The following IL1RAPL2 variants were observed in gnomAD, a reference collection of about 807,000 sequenced individuals.
IL1RAPL2 encodes interleukin 1 receptor accessory protein like 2, also known as X-linked interleukin-1 receptor accessory protein-like 2.
Under a neutral mutation model 44.1 loss-of-function variants are expected in IL1RAPL2, and 3 were observed. The ratio of observed to expected loss-of-function variants is 0.07; its 90% CI spans 0.03 to 0.18. The LOEUF is 0.18. Among genes scored for constraint, IL1RAPL2 ranks in the 10% least tolerant of loss-of-function variants. The pLI is 1.00. For missense variants in IL1RAPL2, 391 were observed against 496.4 expected (o/e 0.79, Z 2.02); for synonymous variants, 181 against 178.8 (o/e 1.01, Z -0.10).
At chrX:104,954,823 C>G (rs1224256331) in intron 2 of IL1RAPL2, among the ~76,000 whole-genome samples, 1 of 112,741 alleles carries the variant, frequency 8.9e-6, no homozygotes, top group Non-Finnish European at 1.9e-5. Flanking sequence ...GGGCCTAGCC[C>G]CAGAAGTTTT....
intron 1 of IL1RAPL2, among the ~76,000 whole-genome samples, chrX:104,619,910 C>T (rs963466510): frequency 1.8e-5 from 2 of 111,587 alleles, no homozygotes; most frequent in East Asian, 2.8e-4. Flanking sequence ...TCAGAGGAAA[C>T]GCTCTGGAGG....
chrX:105,467,859 G>A (rs1339534753), intron 5 of IL1RAPL2, among the ~76,000 whole-genome samples: 3 of 111,487 alleles, frequency 2.7e-5, no homozygotes, highest in African/African-American at 9.8e-5. Context: ...CCTCAAACTC[G>A]CCTTATCATC....
In IL1RAPL2 at chrX:105,732,462, C is replaced by A. The variant is rs182909443; in HGVS notation, c.903-8084C>A. ...TGTTTAAAGTGTGTAGTGTGCACCT[C>A]CCCACCCCTCTCTTCCTCCTACTCC... On this transcript the variant is annotated intron_variant, in intron 7 of 10. Transcript: ENST00000372582. Among the ~76,000 whole-genome samples the A allele has an allele frequency of 7.3e-5, 8 of 109,901 alleles. No homozygotes were observed. The East Asian group carries it at 2.3e-3, about 32-fold the overall frequency.
chrX:104,904,523 A>G (rs1344655668), intron 2 of IL1RAPL2, among the ~76,000 whole-genome samples: 2 of 95,653 alleles, frequency 2.1e-5, no homozygotes, highest in Admixed American at 1.3e-4. Context: ...TCATTGTTCA[A>G]TTCCCATCTA....
intron 1 of IL1RAPL2, among the ~76,000 whole-genome samples, chrX:104,616,770 A>T (rs1326135527): frequency 9.0e-6 from 1 of 111,098 alleles, no homozygotes; most frequent in African/African-American, 3.3e-5. Context: ...CTTCCCTCAA[A>T]CCACCAAGTT....
At chrX:105,152,327 C>G (rs753896675) in intron 2 of IL1RAPL2, among the ~76,000 whole-genome samples, 14 of 111,927 alleles carry the variant, frequency 1.3e-4, no homozygotes, top group African/African-American at 4.5e-4. Context: ...TTGTAGTGCA[C>G]TGAATGTGCT....
chrX:105,047,346 G>A (rs907336168), intron 2 of IL1RAPL2, among the ~76,000 whole-genome samples: 1 of 111,132 alleles, frequency 9.0e-6, no homozygotes, highest in Non-Finnish European at 1.9e-5. Context: ...ATGTATGCTC[G>A]GTATGCCATT....
chrX:105,086,176 T>G (rs1386336333), intron 2 of IL1RAPL2, among the ~76,000 whole-genome samples: 4 of 111,736 alleles, frequency 3.6e-5, no homozygotes, highest in Non-Finnish European at 5.6e-5. Flanking sequence ...TGCAGCATTA[T>G]TCATAATAAC....
At chrX:104,930,058 C>T (rs1385468869) in intron 2 of IL1RAPL2, among the ~76,000 whole-genome samples, 1 of 111,531 alleles carries the variant, frequency 9.0e-6, no homozygotes, top group Non-Finnish European at 1.9e-5. Flanking sequence ...TTTTATTGCC[C>T]TTTCAATTCA....
chrX:105,638,360 G>C (rs2037540056), intron 6 of IL1RAPL2, among the ~76,000 whole-genome samples: 1 of 110,533 alleles, frequency 9.0e-6, no homozygotes, highest in African/African-American at 3.3e-5. Context: ...GATTATTAAA[G>C]ACAATTTGAA....
intron 2 of IL1RAPL2, among the ~76,000 whole-genome samples, chrX:105,090,166 A>G (rs2032526358): frequency 9.0e-6 from 1 of 111,294 alleles, no homozygotes; most frequent in African/African-American, 3.3e-5. Context: ...GATGCAGGCC[A>G]GTAATGCCAT....
At chrX:105,338,906 C>T (rs953639892) in intron 5 of IL1RAPL2, among the ~76,000 whole-genome samples, 1 of 110,928 alleles carries the variant, frequency 9.0e-6, no homozygotes, top group Non-Finnish European at 1.9e-5. Context: ...TCGAGACCAG[C>T]CTGGCCAACG....
chrX:105,767,303 A>T lies in IL1RAPL2; in HGVS notation c.1703A>T (p.His568Leu). Residue 568 changes from histidine to leucine, a missense_variant, in exon 11 of 11, where the codon CAT becomes CTT. Coordinates refer to ENST00000372582, the MANE Select transcript of IL1RAPL2 (RefSeq NM_017416.2). The stretch of plus-strand genomic sequence containing the variant: ...AAAAAAGAAATGCTACCTCGGTGCC[A>T]TGTTCTGGACTCCGCAGAACAAGGA... Reference protein sequence around the residue: ...IKKKEMLPRCHVLDSAEQGLF... With the variant: ...IKKKEMLPRCLVLDSAEQGLF... 8.3e-7 allele frequency: 1 copy of T among 1,210,080 alleles called. No homozygotes were observed. Among genetic ancestry groups the T allele is most frequent in the Non-Finnish European group, 1.1e-6 (1 of 893,775 alleles).
intron 2 of IL1RAPL2, among the ~76,000 whole-genome samples, chrX:105,022,414 T>C (rs1376531475): frequency 4.5e-5 from 5 of 111,573 alleles, no homozygotes; most frequent in Non-Finnish European, 7.5e-5. Flanking sequence ...TTCTAAAGGA[T>C]TCACAGTCAC....
intron 2 of IL1RAPL2, among the ~76,000 whole-genome samples, chrX:104,810,321 A>G (rs1347427539): frequency 2.7e-5 from 3 of 110,811 alleles, no homozygotes; most frequent in South Asian, 3.9e-4. Context: ...GCTAAATGAC[A>G]AGTTAATGGG....
At chrX:105,074,124 T>A (rs2147540637) in intron 2 of IL1RAPL2, among the ~76,000 whole-genome samples, 1 of 111,842 alleles carries the variant, frequency 8.9e-6, no homozygotes, top group African/African-American at 3.2e-5. Context: ...CCCATGCCTA[T>A]GTCCTGAATG....
chrX:105,275,252 C>A (rs1454254437), intron 5 of IL1RAPL2, among the ~76,000 whole-genome samples: 1 of 109,797 alleles, frequency 9.1e-6, no homozygotes, highest in Non-Finnish European at 1.9e-5. Flanking sequence ...ATTTTTAGGA[C>A]ATTTCCTAAA....
In IL1RAPL2 at chrX:105,267,254, G is replaced by A. The variant is rs190288232; in HGVS notation, c.544-134G>A. On this transcript the variant is annotated intron_variant, in intron 4 of 10. Coordinates refer to ENST00000372582, the MANE Select transcript of IL1RAPL2 (RefSeq NM_017416.2). ...ACATTTGTGATTTTTCTTGGTCATT[G>A]ACTTAACTCCTTAGTTACATATTTT... The A allele has an allele frequency of 2.6e-5, 14 of 534,020 alleles. No homozygotes were observed. In the African/African-American group the frequency reaches 3.1e-4, roughly 12 times the overall value. The allele number at this position is 534,020 out of a possible 1,213,427, so 44.0% of individuals were successfully genotyped here.
chrX:104,775,946 A>T (rs1402468471), intron 2 of IL1RAPL2, among the ~76,000 whole-genome samples: 2 of 110,647 alleles, frequency 1.8e-5, no homozygotes, highest in African/African-American at 6.6e-5. Context: ...GGTTGATCAC[A>T]GTAATGGGTA....
Sources: allele counts gnomAD v4.1 joint callset (sites outside exome capture counted in the v4.1 genomes callset), GRCh38; gene constraint gnomAD v4.1.1; transcripts MANE v1.5; gene names NCBI Gene and HGNC (gene_info 2026-07-23, HGNC 2026-07-21).